HOXC8: variants seen among roughly 807,000 people sequenced by gnomAD.
HOXC8 encodes homeobox protein Hox-C8.
A neutral mutation model predicts 25.8 loss-of-function variants in HOXC8; 14 were observed. That is an observed-to-expected ratio of 0.54 (90% confidence interval 0.36 to 0.85). HOXC8 has a LOEUF of 0.85. Among genes scored for constraint, HOXC8 ranks in the 40% least tolerant of loss-of-function variants. The pLI, the probability that HOXC8 is intolerant of heterozygous loss-of-function variation, is 0.01. For synonymous variants in HOXC8, 144 were observed against 124.6 expected (o/e 1.16, Z -1.04); for missense variants, 316 against 308.8 (o/e 1.02, Z -0.17).
Position 54,011,951 on chromosome 12 carries a change from C to T in HOXC8, c.*570C>T, listed in dbSNP as rs1176166278. On this transcript the variant is annotated 3_prime_UTR_variant, in exon 2 of 2. Coordinates refer to ENST00000040584, the MANE Select transcript of HOXC8 (RefSeq NM_022658.4). ...GAATATCCCCTCCCCCTCCCCCTCC[C>T]CCTCCCCAGGGCTCCCTGCTTAGAA... 1.3e-5 allele frequency: 2 copies of T among 150,334 alleles called. No individual in the cohort carries two copies. Among genetic ancestry groups the T allele is most frequent in the Admixed American group, 6.6e-5 (1 of 15,096 alleles). The allele number at this position is 150,334 out of a possible 1,614,324, so 9.3% of individuals were successfully genotyped here.
intron 1 of HOXC8, among the ~76,000 whole-genome samples, chr12:54,010,793 G>T (rs745933187): frequency 4.6e-5 from 7 of 152,136 alleles, no homozygotes; most frequent in Admixed American, 2.6e-4. Flanking sequence ...AGCTGCAAAG[G>T]CCAGTTCCTA....
In HOXC8 at chr12:54,009,190, G is replaced by A. The variant is rs1939922610; in HGVS notation, c.-95G>A. ...CCAGTCCCGGGGAGCCAGCTGGCCT[G>A]GGGTTCGGTCCCGGGGGGAGGGGAG... On this transcript the variant is annotated 5_prime_UTR_variant, in exon 1 of 2. Transcript: ENST00000040584. This position sits in a 1 kb window ranked among gnomAD's most constrained non-coding sequence, Gnocchi z 5.0. The A allele has an allele frequency of 9.1e-7, 1 of 1,101,214 alleles. No individual in the cohort carries two copies. The highest frequency in any genetic ancestry group is 1.5e-5 in the South Asian group (1 of 66,968). 68.2% of individuals were successfully genotyped at this position (1,101,214 alleles called of 1,614,324 possible). A position where few individuals can be genotyped will look rare whatever the true frequency, so the allele number is the denominator to read the frequency against.
At position 54,011,406 on chromosome 12, in the gene HOXC8, C is replaced by CCCCT. The variant is rs1555183425; in HGVS notation, c.*25_*26insCCCT. ...AGCAAAAAAGAAAGACCCCCCCCCCCTTAGCAACTCCCTTGAAGTTTCGTT... is the reference window on the plus strand; with the variant it reads ...AGCAAAAAAGAAAGACCCCCCCCCCCCCCTTTAGCAACTCCCTTGAAGTTTCGTT... On this transcript the variant is annotated 3_prime_UTR_variant, in exon 2 of 2. Transcript: ENST00000040584. 4 of 1,334,268 alleles carry CCCCT rather than the reference C, an allele frequency of 3.0e-6. No homozygotes were observed. In the African/African-American group the frequency reaches 6.2e-5, roughly 21 times the overall value. The allele number at this position is 1,334,268 out of a possible 1,614,324, so 82.7% of individuals were successfully genotyped here.
At position 54,009,602 on chromosome 12, in the gene HOXC8, G is replaced by A. The variant is rs1939938376; in HGVS notation, c.318G>A (p.Ala106=). The A allele has an allele frequency of 6.2e-7, 1 of 1,614,092 alleles. No homozygotes were observed. The highest frequency in any genetic ancestry group is 1.7e-5 in the Admixed American group (1 of 60,012). Residue 106 remains alanine, a synonymous_variant, in exon 1 of 2, where the codon GCG becomes GCA. Transcript: ENST00000040584. This position sits in a 1 kb window ranked among gnomAD's most constrained non-coding sequence, Gnocchi z 5.0. ...RQSLYGAQQE[A]SVVQYPDCKS... is the part of the protein sequence containing the mutation. ...CCCTTTATGGGGCTCAGCAAGAGGC[G>A]AGCGTGGTGCAATATCCCGACTGTA...
In HOXC8 at chr12:54,009,521, T is replaced by C. The variant is rs372655410; in HGVS notation, c.237T>C (p.Leu79=). 26 of 1,614,036 alleles carry C rather than the reference T, an allele frequency of 1.6e-5. No homozygotes were observed. In the African/African-American group the frequency reaches 2.8e-4, roughly 17 times the overall value. Residue 79 remains leucine, a synonymous_variant, in exon 1 of 2, where the codon CTT becomes CTC. Transcript: ENST00000040584. The surrounding 1 kb of genome is among the most constrained non-coding windows in gnomAD (Gnocchi z 5.0). The part of the protein sequence containing the change: ...NSGYQQNPCS[L]SCHGDASKFY... Reference sequence around the variant, plus strand: ...GCTACCAGCAGAACCCGTGCTCGCTTAGCTGCCACGGAGACGCCTCCAAAT... The same window carrying C: ...GCTACCAGCAGAACCCGTGCTCGCTCAGCTGCCACGGAGACGCCTCCAAAT...
chr12:54,010,453 AG>A, intron 1 of HOXC8, among the ~76,000 whole-genome samples: 2 of 152,204 alleles, frequency 1.3e-5, no homozygotes, highest in Non-Finnish European at 2.9e-5. Context: ...GGTCTCCCTG[AG>A]ACCTGCAGAG....
At position 54,011,355 on chromosome 12, in the gene HOXC8, G is replaced by A. The variant is rs367728182; in HGVS notation, c.703G>A (p.Glu235Lys). ...EGNEEEEKEEEEKEENKD is the reference protein window; with the variant it reads ...EGNEEEEKEEKEKEENKD ...AAATGAGGAAGAGGAGAAAGAAGAGGAGGAAAAGGAAGAAAACAAGGACTA... is the reference window on the plus strand; with the variant it reads ...AAATGAGGAAGAGGAGAAAGAAGAGAAGGAAAAGGAAGAAAACAAGGACTA... Residue 235 changes from glutamate to lysine, a missense_variant, in exon 2 of 2, where the codon GAG becomes AAG. Glu to Lys is a moderately conservative substitution (Grantham distance 56). Transcript: ENST00000040584. 5.4e-6 allele frequency: 8 copies of A among 1,468,996 alleles called. No individual in the cohort carries two copies. Among genetic ancestry groups the A allele is most frequent in the Middle Eastern group, 2.0e-4 (1 of 5,026 alleles). The allele number at this position is 1,468,996 out of a possible 1,614,324, so 91.0% of individuals were successfully genotyped here.
chr12:54,011,284 A>T lies in HOXC8; in HGVS notation c.632A>T (p.Asp211Val). 6.3e-7 allele frequency: 1 copy of T among 1,591,692 alleles called. No homozygotes were observed. Among genetic ancestry groups the T allele is most frequent in the Non-Finnish European group, 8.6e-7 (1 of 1,169,494 alleles). ...AAGTGGAAAAAGGAGAACAACAAGG[A>T]TAAACTGCCGGGAGCCCGAGATGAG... Reference protein sequence around the residue: ...RMKWKKENNKDKLPGARDEEK... With the variant: ...RMKWKKENNKVKLPGARDEEK... The change falls in exon 2 of 2, where the codon GAT becomes GTT. Residue 211 changes from aspartate to valine, a missense_variant. Coordinates refer to ENST00000040584, the MANE Select transcript of HOXC8 (RefSeq NM_022658.4).
Position 54,009,687 on chromosome 12 carries a change from C to G in HOXC8, c.403C>G (p.Pro135Ala). 5 of 1,614,198 alleles carry G rather than the reference C, an allele frequency of 3.1e-6. No individual in the cohort carries two copies. The highest frequency in any genetic ancestry group is 3.4e-6 in the Non-Finnish European group (4 of 1,180,026). ...GQGHLNQNSS[P>A]SLMFPWMRPH... ...AGGCCACTTAAATCAAAACTCGTCT[C>G]CCAGCCTCATGTTTCCATGGATGAG... is the stretch of plus-strand genomic sequence containing the variant. The change falls in exon 1 of 2, where the codon CCC becomes GCC. Residue 135 changes from proline (P) to alanine (A), a missense_variant. Pro to Ala is a conservative substitution (Grantham distance 27). Transcript: ENST00000040584. This position sits in a 1 kb window ranked among gnomAD's most constrained non-coding sequence, Gnocchi z 5.0.
At position 54,009,376 on chromosome 12, in the gene HOXC8, G is replaced by A; in HGVS notation, c.92G>A (p.Ser31Asn). ...TATTACGACTGCCGGTTCCCTCAGA[G>A]CGTGGGCAGGAGCCATGCGCTGGTG... The part of the protein sequence containing the change: ...PAYYDCRFPQ[S>N]VGRSHALVYG... Residue 31 changes from serine to asparagine, a missense_variant, in exon 1 of 2, where the codon AGC becomes AAC. Physicochemically the swap from Ser to Asn is conservative, Grantham distance 46 (BLOSUM62 1). Coordinates refer to ENST00000040584, the MANE Select transcript of HOXC8 (RefSeq NM_022658.4). The surrounding 1 kb of genome is among the most constrained non-coding windows in gnomAD (Gnocchi z 5.0). 6.2e-7 allele frequency: 1 copy of A among 1,613,908 alleles called. No homozygotes were observed. Among genetic ancestry groups the A allele is most frequent in the Non-Finnish European group, 8.5e-7 (1 of 1,179,856 alleles).
In HOXC8 at chr12:54,009,473, C is replaced by T. The variant is rs1939934076; in HGVS notation, c.189C>T (p.Gly63=). 8 of 1,614,068 alleles carry T rather than the reference C, an allele frequency of 5.0e-6. No homozygotes were observed. Among genetic ancestry groups the T allele is most frequent in the African/African-American group, 1.3e-5 (1 of 74,908 alleles). ...SHHVQDFFHH[G]TSGISNSGYQ... is the part of the protein sequence containing the mutation. Reference sequence around the variant, plus strand: ...ACGTTCAAGACTTCTTCCACCACGGCACCTCCGGCATCTCCAACTCAGGCT... The same window carrying T: ...ACGTTCAAGACTTCTTCCACCACGGTACCTCCGGCATCTCCAACTCAGGCT... The change falls in exon 1 of 2, where the codon GGC becomes GGT. Residue 63 remains glycine (G), a synonymous_variant. Coordinates refer to ENST00000040584, the MANE Select transcript of HOXC8 (RefSeq NM_022658.4). The surrounding 1 kb of genome is among the most constrained non-coding windows in gnomAD (Gnocchi z 5.0).
At chr12:54,010,797 G>C (rs1053405152) in intron 1 of HOXC8, among the ~76,000 whole-genome samples, 1 of 152,168 alleles carries the variant, frequency 6.6e-6, no homozygotes, top group African/African-American at 2.4e-5. Context: ...GCAAAGGCCA[G>C]TTCCTAGGAT....
Position 54,009,252 on chromosome 12 carries a change from G to T in HOXC8, c.-33G>T. Reference sequence around the variant, plus strand: ...CTGGGCGGGGTACTCGTGAGCCAGAGGGGAGGGGGCCGCGGGTTTTCATGT... The same window carrying T: ...CTGGGCGGGGTACTCGTGAGCCAGATGGGAGGGGGCCGCGGGTTTTCATGT... On this transcript the variant is annotated 5_prime_UTR_variant, in exon 1 of 2. The change creates a new upstream start codon in the 5' untranslated region. Transcript: ENST00000040584. The surrounding 1 kb of genome is among the most constrained non-coding windows in gnomAD (Gnocchi z 5.0). 1 of 1,532,620 alleles carries T rather than the reference G, an allele frequency of 6.5e-7. No individual in the cohort carries two copies. Among genetic ancestry groups the T allele is most frequent in the Admixed American group, 1.9e-5 (1 of 51,586 alleles). The allele number at this position is 1,532,620 out of a possible 1,614,324, so 94.9% of individuals were successfully genotyped here. A position where few individuals can be genotyped will look rare whatever the true frequency, so the allele number is the denominator to read the frequency against.
rs752065410 is a variant in HOXC8, at chr12:54,011,236, T to C, written c.584T>C (p.Ile195Thr). Residue 195 changes from isoleucine (I) to threonine (T), a missense_variant, in exon 2 of 2, where the codon ATC becomes ACC. Transcript: ENST00000040584. ...ALGLTERQVKIWFQNRRMKWK... is the reference protein window; with the variant it reads ...ALGLTERQVKTWFQNRRMKWK... ...GGACTGACCGAGAGACAAGTGAAGA[T>C]CTGGTTCCAGAACCGAAGGATGAAG... 6.2e-7 allele frequency: 1 copy of C among 1,612,672 alleles called. No individual in the cohort carries two copies. Among genetic ancestry groups the C allele is most frequent in the Non-Finnish European group, 8.5e-7 (1 of 1,179,580 alleles).
In HOXC8 at chr12:54,011,104, G is replaced by A; in HGVS notation, c.452G>A (p.Ser151Asn). Residue 151 changes from serine to asparagine, a missense_variant, in exon 2 of 2, where the codon AGT becomes AAT. Physicochemically the swap from Ser to Asn is conservative, Grantham distance 46. Coordinates refer to ENST00000040584, the MANE Select transcript of HOXC8 (RefSeq NM_022658.4). ...WMRPHAPGRR[S>N]GRQTYSRYQT... ...TTCTGTCCAGCTCCGGGGAGGCGCA[G>A]TGGACGGCAAACTTACAGCCGGTAT... 1 of 1,614,064 alleles carries A rather than the reference G, an allele frequency of 6.2e-7. No individual in the cohort carries two copies. The highest frequency in any genetic ancestry group is 1.1e-5 in the South Asian group (1 of 91,070).
Position 54,011,405 on chromosome 12 carries a change from C to A in HOXC8, c.*24C>A, listed in dbSNP as rs201173990. On this transcript the variant is annotated 3_prime_UTR_variant, in exon 2 of 2. Transcript: ENST00000040584. ...AAGCAAAAAAGAAAGACCCCCCCCC[C>A]CTTAGCAACTCCCTTGAAGTTTCGT... The A allele has an allele frequency of 1.4e-6, 2 of 1,422,276 alleles. No homozygotes were observed. The highest frequency in any genetic ancestry group is 1.8e-6 in the Non-Finnish European group (2 of 1,084,362). The allele number at this position is 1,422,276 out of a possible 1,614,324, so 88.1% of individuals were successfully genotyped here.
Position 54,011,397 on chromosome 12 carries a change from C to G in HOXC8, c.*16C>G, listed in dbSNP as rs758104186. 1 of 1,150,462 alleles carries G rather than the reference C, an allele frequency of 8.7e-7. No homozygotes were observed. Among genetic ancestry groups the G allele is most frequent in the South Asian group, 1.8e-5 (1 of 54,126 alleles). 71.3% of individuals were successfully genotyped at this position (1,150,462 alleles called of 1,614,324 possible). A position where few individuals can be genotyped will look rare whatever the true frequency, so the allele number is the denominator to read the frequency against. On this transcript the variant is annotated 3_prime_UTR_variant, in exon 2 of 2. Coordinates refer to ENST00000040584, the MANE Select transcript of HOXC8 (RefSeq NM_022658.4). ...CAAGGACTAAGCAAAAAAGAAAGAC[C>G]CCCCCCCCCTTAGCAACTCCCTTGA...
Position 54,009,330 on chromosome 12 carries a change from G to T in HOXC8, c.46G>T (p.Gly16Cys), listed in dbSNP as rs765416754. The change falls in exon 1 of 2, where the codon GGC (glycine) becomes TGC (cysteine). Residue 16 changes from glycine to cysteine, a missense_variant. Physicochemically the swap from Gly to Cys is radical, Grantham distance 159. Coordinates refer to ENST00000040584, the MANE Select transcript of HOXC8 (RefSeq NM_022658.4). The surrounding 1 kb of genome is among the most constrained non-coding windows in gnomAD (Gnocchi z 5.0). ...CCCCCTGTTCTCCAAATACAAAGCC[G>T]GCGAGTCCCTGGAACCGGCCTATTA... ...VNPLFSKYKA[G>C]ESLEPAYYDC... 7 of 1,605,138 alleles carry T rather than the reference G, an allele frequency of 4.4e-6. No individual in the cohort carries two copies. The East Asian group carries it at 6.7e-5, about 15-fold the overall frequency.
chr12:54,011,046 C>A, intron 1 of HOXC8, 43 bp from the exon 2 acceptor site: 1 of 1,426,644 alleles, frequency 7.0e-7, no homozygotes, highest in Non-Finnish European at 9.9e-7. Context: ...GAAAACCAAG[C>A]CCCCATCCAA....
Sources: allele counts gnomAD v4.1 joint callset (sites outside exome capture counted in the v4.1 genomes callset), GRCh38; gene constraint gnomAD v4.1.1; non-coding constraint Gnocchi (gnomAD v3.1); transcripts MANE v1.5; gene names NCBI Gene and HGNC (gene_info 2026-07-23, HGNC 2026-07-21).